SNRK: variants seen among roughly 807,000 people sequenced by gnomAD.
The protein encoded by SNRK is SNF-related serine/threonine-protein kinase.
SNRK carries 3 observed loss-of-function variants against 48.2 expected under a neutral mutation model. That is an observed-to-expected ratio of 0.06 (90% confidence interval 0.03 to 0.16). SNRK has a LOEUF of 0.16. SNRK is among the 10% of genes least tolerant of loss of function. The probability of loss-of-function intolerance (pLI) is 1.00; values close to 1 mark genes in which losing one functional copy is unlikely to be tolerated. For missense variants in SNRK, 627 were observed against 976.0 expected, an observed-to-expected ratio of 0.64 and a Z score of 4.76; for synonymous variants, 376 against 366.1, an observed-to-expected ratio of 1.03 and a Z score of -0.31.
At chr3:43,331,310 A>G (rs887527935) in intron 3 of SNRK, among the ~76,000 whole-genome samples, 3 of 152,114 alleles carry the variant, frequency 2.0e-5, no homozygotes, top group Non-Finnish European at 4.4e-5. Context: ...ACAAAAGATC[A>G]TTTTCCCATA....
chr3:43,299,658 T>G (rs200538774), intron 1 of SNRK, 96 bp from the exon 2 acceptor site: 1 of 152,664 alleles, frequency 6.6e-6, no homozygotes, highest in East Asian at 1.9e-4. Flanking sequence ...TTTTTATACA[T>G]GTGTCTAGAT....
Position 43,349,081 on chromosome 3 carries a change from A to C in SNRK, c.*524A>C, listed in dbSNP as rs1331298319. 1.3e-5 allele frequency: 2 copies of C among 152,890 alleles called. No individual in the cohort carries two copies. Among genetic ancestry groups the C allele is most frequent in the African/African-American group, 4.8e-5 (2 of 41,476 alleles). The allele number at this position is 152,890 out of a possible 1,614,324, so 9.5% of individuals were successfully genotyped here. A position where few individuals can be genotyped will look rare whatever the true frequency, so the allele number is the denominator to read the frequency against. On this transcript the variant is annotated 3_prime_UTR_variant, in exon 7 of 7. Transcript: ENST00000296088. ...CCATGGCCCGTGCAGAGCAGAGGAC[A>C]GTGAGTGTCTGCACTGAGAACCTTA...
At chr3:43,312,133 A>G (rs994843764) in intron 3 of SNRK, among the ~76,000 whole-genome samples, 2 of 152,174 alleles carry the variant, frequency 1.3e-5, no homozygotes, top group African/African-American at 4.8e-5. Context: ...GGCGTTTCCT[A>G]GTATACAGAC....
At chr3:43,321,778 G>A (rs1442424506) in intron 3 of SNRK, among the ~76,000 whole-genome samples, 1 of 152,204 alleles carries the variant, frequency 6.6e-6, no homozygotes, top group Non-Finnish European at 1.5e-5. Context: ...GAGGTAAGGC[G>A]AGGCGCCTAC....
intron 3 of SNRK, among the ~76,000 whole-genome samples, chr3:43,329,694 A>G (rs1418654416): frequency 2.0e-5 from 3 of 152,152 alleles, no homozygotes; most frequent in Non-Finnish European, 4.4e-5. Context: ...GTGGGACTGT[A>G]TATTTATGTT....
At chr3:43,326,345 C>G (rs1033510115) in intron 3 of SNRK, among the ~76,000 whole-genome samples, 1 of 151,902 alleles carries the variant, frequency 6.6e-6, no homozygotes, top group African/African-American at 2.4e-5. Flanking sequence ...TCTGCTTTAG[C>G]TGTCTTTTGA....
rs1177413795 is a variant in SNRK, at chr3:43,303,488, G to A, written c.285G>A (p.Gly95=). 6.2e-7 allele frequency: 1 copy of A among 1,614,100 alleles called. No individual in the cohort carries two copies. Among genetic ancestry groups the A allele is most frequent in the South Asian group, 1.1e-5 (1 of 91,078 alleles). The change falls in exon 3 of 7, where the codon GGG becomes GGA. Residue 95 remains glycine (G), a synonymous_variant. Transcript: ENST00000296088. This position sits in a 1 kb window ranked among gnomAD's most constrained non-coding sequence, Gnocchi z 6.2. ...AACTATATCTTATTCTAGAACTTGGGGATGGAGGAGATATGTTTGATTATA... is the reference window on the plus strand; with the variant it reads ...AACTATATCTTATTCTAGAACTTGGAGATGGAGGAGATATGTTTGATTATA... The part of the protein sequence containing the change: ...QTKLYLILEL[G]DGGDMFDYIM...
chr3:43,330,289 T>G (rs1339561666), intron 3 of SNRK, among the ~76,000 whole-genome samples: 1 of 152,234 alleles, frequency 6.6e-6, no homozygotes, highest in Non-Finnish European at 1.5e-5. Flanking sequence ...AAGTATATAT[T>G]ATTTTTTAAA....
chr3:43,293,918 C>T (rs1402240850), intron 1 of SNRK, among the ~76,000 whole-genome samples: 1 of 143,166 alleles, frequency 7.0e-6, no homozygotes, highest in African/African-American at 2.6e-5. Flanking sequence ...GGCTCTGTCT[C>T]AAGAAAAAAA....
Position 43,343,516 on chromosome 3 carries a change from C to A in SNRK, c.1079+38C>A. On this transcript the variant is annotated intron_variant, in intron 6 of 6. Coordinates refer to ENST00000296088, the MANE Select transcript of SNRK (RefSeq NM_017719.5). ...TCTTCACTGATTTTAGTAAGTTTAA[C>A]GTTTTGAAATAGCGAACTTTTTTTT... 3.8e-6 allele frequency: 6 copies of A among 1,575,140 alleles called. No homozygotes were observed. In the Admixed American group the frequency reaches 5.8e-5, roughly 15 times the overall value.
At chr3:43,335,832 T>G (rs998429286) in intron 4 of SNRK, among the ~76,000 whole-genome samples, 1 of 152,242 alleles carries the variant, frequency 6.6e-6, no homozygotes, top group Non-Finnish European at 1.5e-5. Flanking sequence ...TACTGCTTTT[T>G]TGCCTTAAAG....
chr3:43,303,224 G>C lies in SNRK; in HGVS notation c.21G>C (p.Gly7=). 6.2e-7 allele frequency: 1 copy of C among 1,613,612 alleles called. No homozygotes were observed. The highest frequency in any genetic ancestry group is 8.5e-7 in the Non-Finnish European group (1 of 1,179,628). The change falls in exon 3 of 7, where the codon GGG becomes GGC. Residue 7 remains glycine, a synonymous_variant. Transcript: ENST00000296088. The surrounding 1 kb of genome is among the most constrained non-coding windows in gnomAD (Gnocchi z 6.2). ...CCAGCATGGCAGGATTTAAGCGAGG[G>C]TATGATGGAAAGATTGCTGGATTAT... The part of the protein sequence containing the change: MAGFKR[G]YDGKIAGLYD...
chr3:43,348,254 T>C lies in SNRK; in HGVS notation c.1995T>C (p.Ile665=). 1.9e-6 allele frequency: 3 copies of C among 1,614,028 alleles called. No homozygotes were observed. Among genetic ancestry groups the C allele is most frequent in the Non-Finnish European group, 2.5e-6 (3 of 1,179,966 alleles). The part of the protein sequence containing the change: ...GSQLHGSTKY[I]IDPQNGLSFS... ...AGCTTCATGGGAGCACCAAGTACATTATTGATCCACAGAATGGCTTGTCAT... is the reference window on the plus strand; with the variant it reads ...AGCTTCATGGGAGCACCAAGTACATCATTGATCCACAGAATGGCTTGTCAT... Residue 665 remains isoleucine, a synonymous_variant, in exon 7 of 7, where the codon ATT becomes ATC. Coordinates refer to ENST00000296088, the MANE Select transcript of SNRK (RefSeq NM_017719.5).
At chr3:43,293,387 G>A (rs200904935) in intron 1 of SNRK, among the ~76,000 whole-genome samples, 305 of 152,190 alleles carry the variant, frequency 2.0e-3, no homozygotes, top group Non-Finnish European at 3.6e-3. Flanking sequence ...AAAAATTGGT[G>A]TATTTCATAG....
chr3:43,341,728 TG>T (rs1184639478), intron 5 of SNRK, among the ~76,000 whole-genome samples: 2 of 152,214 alleles, frequency 1.3e-5, no homozygotes, highest in Non-Finnish European at 2.9e-5. Context: ...AAGAGAAGCC[TG>T]TTGGCTGGAC....
intron 6 of SNRK, among the ~76,000 whole-genome samples, chr3:43,344,994 C>T (rs571435364): frequency 6.6e-6 from 1 of 152,264 alleles, no homozygotes; most frequent in African/African-American, 2.4e-5. Context: ...AATAGTAGGC[C>T]AGGCACAGTG....
chr3:43,300,321 T>TG (rs1372782489), intron 2 of SNRK, among the ~76,000 whole-genome samples: 1 of 152,070 alleles, frequency 6.6e-6, no homozygotes, highest in East Asian at 1.9e-4. Context: ...TCTGAGGCTC[T>TG]GAAAAAAAAG....
chr3:43,299,923 A>G (rs2090886306), intron 2 of SNRK, 108 bp downstream of exon 2: 2 of 152,562 alleles, frequency 1.3e-5, no homozygotes, highest in Non-Finnish European at 2.9e-5. Flanking sequence ...ATCCTCAGAG[A>G]TCAAAAAAAA....
At position 43,348,543 on chromosome 3, in the gene SNRK, T is replaced by C; in HGVS notation, c.2284T>C (p.Cys762Arg). The change falls in exon 7 of 7, where the codon TGC (cysteine) becomes CGC (arginine). Residue 762 changes from cysteine to arginine, a missense_variant. Around this residue, in one of 4 missense-constraint regions of SNRK, gnomAD observed 207 missense variants for 234.3 expected, o/e 0.88. Coordinates refer to ENST00000296088, the MANE Select transcript of SNRK (RefSeq NM_017719.5). ...LLCASSPASCCHVI is the reference protein window; with the variant it reads ...LLCASSPASCRHVI The stretch of plus-strand genomic sequence containing the variant: ...GTGCGCATCCAGCCCAGCCAGCTGT[T>C]GCCATGTCATCTGACTGTGGCCCCA... 6.5e-7 allele frequency: 1 copy of C among 1,537,644 alleles called. No homozygotes were observed. Among genetic ancestry groups the C allele is most frequent in the Non-Finnish European group, 8.7e-7 (1 of 1,145,738 alleles).
Sources: gnomAD v4.1 joint callset for allele counts (sites outside exome capture counted in the v4.1 genomes callset) on GRCh38, gnomAD v4.1.1 for gene constraint, gnomAD v4.1.1 regional missense constraint, Gnocchi (gnomAD v3.1) non-coding constraint, MANE v1.5 for transcripts, NCBI Gene and HGNC (gene_info 2026-07-23, HGNC 2026-07-21) for gene names.